Variants in DYSF observed in about 807,000 individuals in gnomAD.
DYSF encodes the protein dysferlin.
A neutral mutation model predicts 274.9 loss-of-function variants in DYSF; 212 were observed. That is an observed-to-expected ratio of 0.77 (90% confidence interval 0.69 to 0.86). The LOEUF (loss-of-function observed/expected upper bound fraction) is 0.86, where lower values mean the gene tolerates loss of function less well. Among genes scored for constraint, DYSF ranks in the 40% least tolerant of loss-of-function variants. The pLI is 0.00. For synonymous variants in DYSF, 1,091 were observed against 1,078.7 expected (o/e 1.01, Z -0.22); for missense variants, 2,666 against 2,783.2 (o/e 0.96, Z 0.95).
intron 22 of DYSF, among the ~76,000 whole-genome samples, chr2:71,560,426 C>T (rs2091659887): frequency 6.6e-6 from 1 of 152,032 alleles, no homozygotes; most frequent in Admixed American, 6.5e-5. Flanking sequence ...GGCCCCCGCC[C>T]CGCTACCCAC....
rs373204226 is a variant in DYSF, at chr2:71,637,961, C to T, written c.4528-6004C>T. ...GTGTGGCCGGGAGGAAGGTCATAGG[C>T]CATTCGTCTCAGCAGCTGTGAGTCT... On this transcript the variant is annotated intron_variant, in intron 41 of 55. Transcript: ENST00000410020. Among the ~76,000 whole-genome samples the T allele has an allele frequency of 3.2e-4, 48 of 152,144 alleles. 1 individual carries two copies. In the South Asian group the frequency reaches 9.6e-3, roughly 30 times the overall value.
intron 29 of DYSF, among the ~76,000 whole-genome samples, chr2:71,571,847 A>T (rs2092489183): frequency 7.9e-6 from 1 of 126,446 alleles, no homozygotes; most frequent in Non-Finnish European, 1.6e-5. Context: ...ACATGCACAG[A>T]TCACACCCAC....
intron 23 of DYSF, among the ~76,000 whole-genome samples, chr2:71,562,709 T>A (rs2091853431): frequency 6.6e-6 from 1 of 152,178 alleles, no homozygotes; most frequent in South Asian, 2.1e-4. Flanking sequence ...GGAGAGCGGT[T>A]GCTGGAGGAA....
chr2:71,497,401 GA>G (rs1195955987), intron 3 of DYSF, among the ~76,000 whole-genome samples: 1 of 152,162 alleles, frequency 6.6e-6, no homozygotes, highest in Non-Finnish European at 1.5e-5. Context: ...GAATCATGGG[GA>G]CAGTTATCTT....
At chr2:71,660,000 A>G (rs924867820) in intron 44 of DYSF, among the ~76,000 whole-genome samples, 3 of 152,166 alleles carry the variant, frequency 2.0e-5, no homozygotes, top group Non-Finnish European at 4.4e-5. Flanking sequence ...CAGCCTAGGC[A>G]CCACTGACGG....
chr2:71,513,375 G>C (rs752390666), intron 6 of DYSF, 43 bp downstream of exon 6: 1 of 1,532,098 alleles, frequency 6.5e-7, no homozygotes, highest in South Asian at 1.2e-5. Flanking sequence ...GACCCTCCCT[G>C]TAACTGTCTC....
At chr2:71,469,115 G>A (rs865957328) in intron 1 of DYSF, among the ~76,000 whole-genome samples, 11 of 152,354 alleles carry the variant, frequency 7.2e-5, no homozygotes, top group Middle Eastern at 6.8e-3. Flanking sequence ...AATACCCGAT[G>A]CAGGTTATTT....
At chr2:71,674,585 C>T (rs924946045) in intron 52 of DYSF, among the ~76,000 whole-genome samples, 3 of 152,210 alleles carry the variant, frequency 2.0e-5, no homozygotes, top group Non-Finnish European at 2.9e-5. Flanking sequence ...AAGCGAGGGA[C>T]GCAAGTGTGT....
intron 17 of DYSF, among the ~76,000 whole-genome samples, chr2:71,545,498 T>A (rs976131635): frequency 6.6e-6 from 1 of 152,168 alleles, no homozygotes; most frequent in Non-Finnish European, 1.5e-5. Flanking sequence ...CACTAATTGC[T>A]GTTCAGATAG....
intron 1 of DYSF, among the ~76,000 whole-genome samples, chr2:71,474,406 C>A (rs1470313769): frequency 1.3e-5 from 2 of 152,236 alleles, no homozygotes; most frequent in African/African-American, 2.4e-5. Flanking sequence ...TTTCCTCACC[C>A]AGCATAAGCT....
intron 20 of DYSF, 64 bp from the exon 21 acceptor site, chr2:71,553,743 T>C (rs1350758845): frequency 2.0e-6 from 2 of 1,002,354 alleles, no homozygotes; most frequent in African/African-American, 3.3e-5. Flanking sequence ...CTGGCACTCT[T>C]AGCACCCCAT....
At chr2:71,671,595 A>G (rs1289691612) in intron 51 of DYSF, among the ~76,000 whole-genome samples, 2 of 152,146 alleles carry the variant, frequency 1.3e-5, no homozygotes, top group Admixed American at 1.3e-4. Context: ...AAGAGGAGAG[A>G]TGATCTGGTA....
chr2:71,562,879 G>A lies in DYSF; in HGVS notation c.2409+935G>A, dbSNP rs56006259. ...AGACCAACCCCTCAGGCTGGTCACG[G>A]GCTTCCCTCTGTAATCTCAGCCCAG... On this transcript the variant is annotated intron_variant, in intron 23 of 55. Coordinates refer to ENST00000410020, the MANE Select transcript of DYSF (RefSeq NM_001130987.2). Among the ~76,000 whole-genome samples, 667 of 152,276 alleles carry A rather than the reference G, an allele frequency of 4.4e-3. 6 individuals are homozygous for A. Among genetic ancestry groups the A allele is most frequent in the African/African-American group, 0.015 (630 of 41,540 alleles).
At chr2:71,554,696 A>G (rs944830748) in intron 21 of DYSF, among the ~76,000 whole-genome samples, 1 of 152,182 alleles carries the variant, frequency 6.6e-6, no homozygotes, top group African/African-American at 2.4e-5. Context: ...GAGGAACTCA[A>G]GTGGCTGGGG....
At chr2:71,513,460 G>A (rs1246670960) in intron 6 of DYSF, 128 bp downstream of exon 6, 38 of 1,018,814 alleles carry the variant, frequency 3.7e-5, no homozygotes, top group South Asian at 2.4e-4. Flanking sequence ...TGGCGGGTGG[G>A]AGGGCTAGGG....
chr2:71,480,919 T>A lies in DYSF; in HGVS notation c.128T>A (p.Val43Glu). The A allele has an allele frequency of 6.2e-7, 1 of 1,614,184 alleles. No individual in the cohort carries two copies. Among genetic ancestry groups the A allele is most frequent in the East Asian group, 2.2e-5 (1 of 44,868 alleles). ...AGAACCAAAGTCATCAAGAACAGCGTGAACCCTGTATGGAATGAGGTATGT... is the reference window on the plus strand; with the variant it reads ...AGAACCAAAGTCATCAAGAACAGCGAGAACCCTGTATGGAATGAGGTATGT... ...KKRTKVIKNS[V>E]NPVWNEGFEW... is the part of the protein sequence containing the mutation. Residue 43 changes from valine to glutamate, a missense_variant, in exon 2 of 56, where the codon GTG (valine) becomes GAG (glutamate). Val to Glu is a moderately radical substitution (Grantham distance 121). Transcript: ENST00000410020.
Position 71,682,544 on chromosome 2 carries a change from C to A in DYSF, c.6188C>A (p.Ser2063Tyr). 1 of 1,614,144 alleles carries A rather than the reference C, an allele frequency of 6.2e-7. No individual in the cohort carries two copies. The highest frequency in any genetic ancestry group is 8.5e-7 in the Non-Finnish European group (1 of 1,180,020). ...CTCGCTTCCAGGCGCCCCGACACCT[C>A]CTTCCTGTGGTTTACCTCCCCATAC... is the stretch of plus-strand genomic sequence containing the variant. ...KLEDPRRPDT[S>Y]FLWFTSPYKT... is the part of the protein sequence containing the mutation. Residue 2063 changes from serine (S) to tyrosine (Y), a missense_variant, in exon 55 of 56, where the codon TCC (serine) becomes TAC (tyrosine). Ser to Tyr is a moderately radical substitution (Grantham distance 144, BLOSUM62 -2). This residue lies in a region of DYSF where 1,460 missense variants were observed against 1,502.1 expected (regional missense o/e 0.97). Transcript: ENST00000410020.
Position 71,553,068 on chromosome 2 carries a change from C to T in DYSF, c.1864C>T (p.Leu622=), listed in dbSNP as rs756482244. Residue 622 remains leucine (L), a synonymous_variant, in exon 20 of 56, where the codon CTG becomes TTG. Transcript: ENST00000410020. ...LFAAFYSATM[L]QDVDDAIQFE... ...TGCGGCCTTCTACTCAGCCACCATG[C>T]TGCAGGATGTGGATGATGCCATCCA... 3.1e-6 allele frequency: 5 copies of T among 1,614,192 alleles called. No homozygotes were observed. The highest frequency in any genetic ancestry group is 4.2e-6 in the Non-Finnish European group (5 of 1,180,034).
At chr2:71,460,262 TA>T in intron 1 of DYSF, among the ~76,000 whole-genome samples, 1 of 152,302 alleles carries the variant, frequency 6.6e-6, no homozygotes, top group Middle Eastern at 3.4e-3. Context: ...CCTCTGTCTA[TA>T]TTCCAGCCAG....
Sources: gnomAD v4.1 joint callset for allele counts (sites outside exome capture counted in the v4.1 genomes callset) on GRCh38, gnomAD v4.1.1 for gene constraint, gnomAD v4.1.1 regional missense constraint, MANE v1.5 for transcripts, NCBI Gene and HGNC (gene_info 2026-07-23, HGNC 2026-07-21) for gene names.